LRP1B: variants seen among roughly 807,000 people sequenced by gnomAD.
LRP1B encodes the protein low-density lipoprotein receptor-related protein 1B.
Under a neutral mutation model 556.6 loss-of-function variants are expected in LRP1B, and 217 were observed. The ratio of observed to expected loss-of-function variants is 0.39; its 90% confidence interval spans 0.35 to 0.44. LRP1B has a LOEUF of 0.44. Ranked by LOEUF, LRP1B falls within the 20% of genes least tolerant of loss-of-function variation. LRP1B has a pLI of 1.00. For missense variants in LRP1B, 5,053 were observed against 5,620.8 expected, an observed-to-expected ratio of 0.90 and a Z score of 3.23; for synonymous variants, 2,047 against 1,865.8, an observed-to-expected ratio of 1.10 and a Z score of -2.50.
chr2:141,314,513 C>T (rs868827057), intron 3 of LRP1B, among the ~76,000 whole-genome samples: 1 of 151,942 alleles, frequency 6.6e-6, no homozygotes, highest in African/African-American at 2.4e-5. Context: ...GACCTACGGC[C>T]GGGCGCGGTG....
At chr2:141,478,035 G>GA (rs898480226) in intron 3 of LRP1B, among the ~76,000 whole-genome samples, 5 of 150,962 alleles carry the variant, frequency 3.3e-5, no homozygotes, top group African/African-American at 7.3e-5. Context: ...AATTAGAACA[G>GA]AAAAAAAAGA....
At chr2:142,035,861 G>C (rs1436059338) in intron 1 of LRP1B, among the ~76,000 whole-genome samples, 1 of 151,688 alleles carries the variant, frequency 6.6e-6, no homozygotes, top group Admixed American at 6.6e-5. Flanking sequence ...GAACCCAGTG[G>C]GAGGTAATTG....
chr2:140,777,364 A>T (rs1477577309), intron 32 of LRP1B, among the ~76,000 whole-genome samples: 1 of 152,192 alleles, frequency 6.6e-6, no homozygotes, highest in Non-Finnish European at 1.5e-5. Flanking sequence ...AGAGGTTTTG[A>T]ATATTAAAGC....
At chr2:141,681,050 G>A (rs558303230) in intron 2 of LRP1B, among the ~76,000 whole-genome samples, 1 of 152,196 alleles carries the variant, frequency 6.6e-6, no homozygotes, top group South Asian at 2.1e-4. Context: ...TCAGCACTTT[G>A]AGAGGCTGAG....
chr2:140,319,972 G>A (rs1270820008), intron 82 of LRP1B, among the ~76,000 whole-genome samples: 1 of 151,940 alleles, frequency 6.6e-6, no homozygotes, highest in East Asian at 1.9e-4. Flanking sequence ...CCCAAAACAG[G>A]GCTTCACACT....
chr2:141,028,716 ACTGT>A lies in LRP1B; in HGVS notation c.1790-8618_1790-8615del, dbSNP rs527456500. Among the ~76,000 whole-genome samples the A allele has an allele frequency of 3.6e-3, 552 of 152,232 alleles. 3 individuals are homozygous for A. The highest frequency in any genetic ancestry group is 6.4e-3 in the Non-Finnish European group (436 of 68,000). Reference sequence around the variant, plus strand: ...TTAGATCTTTTTAATCAGTTTAATTACTGTTTTTAAAGTAATGACAACTAAATTA... The same window carrying A: ...TTAGATCTTTTTAATCAGTTTAATTATTTTAAAGTAATGACAACTAAATTA... On this transcript the variant is annotated intron_variant, in intron 11 of 90. Transcript: ENST00000389484.
rs116072168 is a variant in LRP1B, at chr2:141,412,425, C to T, written c.343+67971G>A. 3.6e-3 allele frequency among the ~76,000 whole-genome samples: 545 copies of T among 152,200 alleles called. 3 individuals are homozygous for T. The highest frequency in any genetic ancestry group is 0.011 in the African/African-American group (476 of 41,532). On this transcript the variant is annotated intron_variant, in intron 3 of 90. Transcript: ENST00000389484. ...TATATAAGAATTATTCTTGATAAAT[C>T]CAAAGGTAACTTTTTAAGGAGAAGC...
chr2:141,845,841 T>C (rs1697627617), intron 1 of LRP1B, among the ~76,000 whole-genome samples: 1 of 151,884 alleles, frequency 6.6e-6, no homozygotes, highest in Non-Finnish European at 1.5e-5. Context: ...TGGAAAATAC[T>C]GAAAAGAAAA....
intron 41 of LRP1B, among the ~76,000 whole-genome samples, chr2:140,606,976 G>T (rs556822575): frequency 1.1e-4 from 17 of 151,910 alleles, no homozygotes; most frequent in Non-Finnish European, 1.8e-4. Flanking sequence ...TGAAAAACTT[G>T]TATGCTTCAA....
chr2:140,377,189 C>CT (rs1683272685), intron 68 of LRP1B, among the ~76,000 whole-genome samples: 1 of 152,144 alleles, frequency 6.6e-6, no homozygotes, highest in Admixed American at 6.6e-5. Context: ...GATTCCCCTC[C>CT]CTCAGCCTCC....
intron 3 of LRP1B, among the ~76,000 whole-genome samples, chr2:141,428,499 C>T (rs756634118): frequency 3.3e-5 from 5 of 152,154 alleles, no homozygotes; most frequent in Non-Finnish European, 7.3e-5. Context: ...TCATATGTGA[C>T]AGTTAAGTGA....
At chr2:141,503,969 T>C (rs1294860303) in intron 2 of LRP1B, among the ~76,000 whole-genome samples, 2 of 152,100 alleles carry the variant, frequency 1.3e-5, no homozygotes, top group Non-Finnish European at 2.9e-5. Flanking sequence ...ATTAGAATTT[T>C]AATTATTTTA....
chr2:140,378,634 G>A (rs1683340294), intron 67 of LRP1B, among the ~76,000 whole-genome samples: 1 of 152,096 alleles, frequency 6.6e-6, no homozygotes, highest in Non-Finnish European at 1.5e-5. Context: ...GTCATTTTAT[G>A]TATTTACTTT....
intron 2 of LRP1B, among the ~76,000 whole-genome samples, chr2:141,537,958 A>G (rs1168047829): frequency 4.6e-5 from 7 of 152,160 alleles, no homozygotes; most frequent in African/African-American, 1.7e-4. Flanking sequence ...TCCCAACCAC[A>G]AAAACCTGTA....
At chr2:140,665,466 C>A (rs1400676904) in intron 41 of LRP1B, among the ~76,000 whole-genome samples, 1 of 152,142 alleles carries the variant, frequency 6.6e-6, no homozygotes, top group East Asian at 1.9e-4. Context: ...ACACTGTTAT[C>A]CCACCAAGTC....
At chr2:140,595,867 T>C (rs1682421313) in intron 43 of LRP1B, among the ~76,000 whole-genome samples, 1 of 152,176 alleles carries the variant, frequency 6.6e-6, no homozygotes, top group Non-Finnish European at 1.5e-5. Flanking sequence ...GCATAAAAAG[T>C]ATAATTTTTA....
intron 62 of LRP1B, among the ~76,000 whole-genome samples, chr2:140,454,790 T>C (rs191252517): frequency 1.3e-5 from 2 of 152,302 alleles, no homozygotes; most frequent in African/African-American, 4.8e-5. Flanking sequence ...GTGTTATCCC[T>C]TTGATGCCTG....
At chr2:141,314,216 A>G (rs1239031984) in intron 3 of LRP1B, among the ~76,000 whole-genome samples, 1 of 152,158 alleles carries the variant, frequency 6.6e-6, no homozygotes, top group African/African-American at 2.4e-5. Context: ...GCTACCTGGT[A>G]TAGCTCTGTC....
At chr2:140,441,931 C>T (rs1444408364) in intron 66 of LRP1B, among the ~76,000 whole-genome samples, 1 of 152,096 alleles carries the variant, frequency 6.6e-6, no homozygotes, top group Non-Finnish European at 1.5e-5. Flanking sequence ...ATATATTCTC[C>T]ATTTCTGCGA....
Sources: allele counts gnomAD v4.1 joint callset (sites outside exome capture counted in the v4.1 genomes callset), GRCh38; gene constraint gnomAD v4.1.1; transcripts MANE v1.5; gene names NCBI Gene and HGNC (gene_info 2026-07-23, HGNC 2026-07-21).